The following ANXA4 variants were observed in gnomAD, a reference collection of about 807,000 sequenced individuals.
The protein encoded by ANXA4 is annexin A4, also known as 35-beta calcimedin.
ANXA4 carries 39 observed loss-of-function variants against 49.8 expected under a neutral mutation model. The ratio of observed to expected loss-of-function variants is 0.78; its 90% CI spans 0.61 to 1.02. The LOEUF (loss-of-function observed/expected upper bound fraction) is 1.02, where lower values mean the gene tolerates loss of function less well. Among genes scored for constraint, ANXA4 ranks in the 50% least tolerant of loss-of-function variants. The probability of loss-of-function intolerance (pLI) is 0.00; values close to 1 mark genes in which losing one functional copy is unlikely to be tolerated. For missense variants in ANXA4, 360 were observed against 410.1 expected (o/e 0.88, Z 1.05); for synonymous variants, 134 against 152.5 (o/e 0.88, Z 0.89).
intron 2 of ANXA4, among the ~76,000 whole-genome samples, chr2:69,674,500 G>A (rs76134445): frequency 0.028 from 4,188 of 152,228 alleles, 182 homozygotes; most frequent in African/African-American, 0.095. Context: ...ACACTGTGAC[G>A]GAAATAAAGA....
chr2:69,674,253 A>AG lies in ANXA4; in HGVS notation n.766+20973dup, dbSNP rs1399889413. The AG allele has an allele frequency of 2.0e-5, 3 of 152,332 alleles. No individual in the cohort carries two copies. In the East Asian group the frequency reaches 5.8e-4, roughly 29 times the overall value. The allele number at this position is 152,332 out of a possible 1,614,324, so 9.4% of individuals were successfully genotyped here. On this transcript the variant is annotated intron_variant and non_coding_transcript_variant, in intron 2 of 3. Coordinates refer to the ANXA4 transcript ENST00000418066. ...GGCCCGTTTGCAGGAAGCTGACAGCAGGTATTCAGAAATTTTAGGATTTGG... is the reference window on the plus strand; with the variant it reads ...GGCCCGTTTGCAGGAAGCTGACAGCAGGGTATTCAGAAATTTTAGGATTTGG...
At chr2:69,740,619 ATTAT>A (rs1670360888), upstream of ANXA4, among the ~76,000 whole-genome samples, 1 of 143,664 alleles carries the variant, frequency 7.0e-6, no homozygotes, top group Non-Finnish European at 1.5e-5. Context: ...CACCCGGCTA[ATTAT>A]TTATTTATTT....
At chr2:69,778,059 G>C (rs1182201372) in intron 1 of ANXA4, among the ~76,000 whole-genome samples, 1 of 152,150 alleles carries the variant, frequency 6.6e-6, no homozygotes, top group Non-Finnish European at 1.5e-5. Flanking sequence ...ATTTTCACAT[G>C]TAATAAAATA....
chr2:69,718,821 CAT>C (rs1274639041), intron 2 of ANXA4, among the ~76,000 whole-genome samples: 8 of 150,470 alleles, frequency 5.3e-5, no homozygotes, highest in Non-Finnish European at 8.8e-5. Context: ...ATGCTGCACA[CAT>C]GCACACACAT....
chr2:69,780,647 CAGG>C (rs1459286559), intron 1 of ANXA4, among the ~76,000 whole-genome samples: 4 of 152,102 alleles, frequency 2.6e-5, no homozygotes, highest in Admixed American at 6.5e-5. Flanking sequence ...GAGGCTGAGG[CAGG>C]AGGATCGCTT....
chr2:69,807,796 G>A (rs1573298573), intron 5 of ANXA4, 110 bp from the exon 6 acceptor site: 8 of 902,584 alleles, frequency 8.9e-6, no homozygotes, highest in Non-Finnish European at 1.4e-5. Context: ...TTAGAACGCA[G>A]TGGATTGTCT....
chr2:69,677,104 C>A (rs1170892773), intron 2 of ANXA4, among the ~76,000 whole-genome samples: 1 of 152,102 alleles, frequency 6.6e-6, no homozygotes, highest in Non-Finnish European at 1.5e-5. Flanking sequence ...GCGTGAGCCA[C>A]CACACCCTGC....
chr2:69,693,138 GT>G (rs1678029379), intron 2 of ANXA4, among the ~76,000 whole-genome samples: 1 of 152,158 alleles, frequency 6.6e-6, no homozygotes, highest in African/African-American at 2.4e-5. Context: ...AATATGCACT[GT>G]TTCCCAAATT....
At chr2:69,763,448 T>C (rs1000923576) in intron 1 of ANXA4, among the ~76,000 whole-genome samples, 2 of 151,958 alleles carry the variant, frequency 1.3e-5, no homozygotes, top group South Asian at 2.1e-4. Context: ...GAGGTGGTGA[T>C]GTTGTGTTTT....
At chr2:69,649,114 A>G (rs2105298154) in intron 1 of ANXA4, among the ~76,000 whole-genome samples, 1 of 151,926 alleles carries the variant, frequency 6.6e-6, no homozygotes, top group Middle Eastern at 3.4e-3. Flanking sequence ...TCGAGCTCTC[A>G]ACCTCAGGTG....
intron 1 of ANXA4, among the ~76,000 whole-genome samples, chr2:69,647,964 A>G (rs970667893): frequency 1.6e-4 from 24 of 152,252 alleles, no homozygotes; most frequent in African/African-American, 2.4e-5. Context: ...TAGATGAACA[A>G]TGAAGATTTT....
At chr2:69,665,419 A>G (rs7597906) in intron 2 of ANXA4, among the ~76,000 whole-genome samples, 2 of 152,130 alleles carry the variant, frequency 1.3e-5, no homozygotes, top group African/African-American at 2.4e-5. Context: ...TCTGAGTGGT[A>G]CCACCTAGCT....
In ANXA4 at chr2:69,648,415, G is replaced by T. The variant is rs114564199; in HGVS notation, n.481+3510G>T. Among the ~76,000 whole-genome samples, 298 of 152,288 alleles carry T rather than the reference G, an allele frequency of 2.0e-3. 2 individuals carry two copies. The highest frequency in any genetic ancestry group is 0.017 in the Middle Eastern group (5 of 294). On this transcript the variant is annotated intron_variant and non_coding_transcript_variant, in intron 1 of 3. Coordinates refer to the ANXA4 transcript ENST00000418066. ...CAGACCTACTGAGTAAGAGGGAGGG[G>T]CAGAGGCAGCAGTTTCTGTTCACAA...
At chr2:69,812,200 C>T (rs1407484901) in intron 7 of ANXA4, among the ~76,000 whole-genome samples, 1 of 151,124 alleles carries the variant, frequency 6.6e-6, no homozygotes, top group Non-Finnish European at 1.5e-5. Flanking sequence ...TCTTAGCTCA[C>T]TGCCTTGAAC....
chr2:69,799,157 C>G (rs754476190), intron 3 of ANXA4, among the ~76,000 whole-genome samples: 4 of 151,988 alleles, frequency 2.6e-5, no homozygotes, highest in Non-Finnish European at 5.9e-5. Context: ...TTATCCCATT[C>G]CCTGACCACA....
Position 69,796,099 on chromosome 2 carries a change from G to A in ANXA4, c.97+7958G>A, listed in dbSNP as rs955324922. Among the ~76,000 whole-genome samples the A allele has an allele frequency of 6.6e-5, 10 of 152,296 alleles. 1 individual carries two copies. Among genetic ancestry groups the A allele is most frequent in the East Asian group, 1.9e-4 (1 of 5,180 alleles). On this transcript the variant is annotated intron_variant, in intron 3 of 12. Coordinates refer to ENST00000394295, the MANE Select transcript of ANXA4 (RefSeq NM_001153.5). ...AGCCCTAGGACCTGTCAGTCCTGCC[G>A]GACCATCTGTGAGACTAGTTCTGGA...
chr2:69,805,374 C>G lies in ANXA4; in HGVS notation c.192+747C>G, dbSNP rs544264618. Among the ~76,000 whole-genome samples the G allele has an allele frequency of 2.6e-3, 397 of 151,942 alleles. 1 individual carries two copies. The highest frequency in any genetic ancestry group is 4.2e-3 in the Non-Finnish European group (283 of 67,944). ...ATCCTAGCACTTTGGGAGGCCGAGGCGAGTGGATCACTTGAGGTCAGGAGT... is the reference window on the plus strand; with the variant it reads ...ATCCTAGCACTTTGGGAGGCCGAGGGGAGTGGATCACTTGAGGTCAGGAGT... On this transcript the variant is annotated intron_variant, in intron 4 of 12. Coordinates refer to ENST00000394295, the MANE Select transcript of ANXA4 (RefSeq NM_001153.5).
intron 1 of ANXA4, among the ~76,000 whole-genome samples, chr2:69,772,024 A>C (rs1023500025): frequency 6.6e-6 from 1 of 152,230 alleles, no homozygotes; most frequent in Non-Finnish European, 1.5e-5. Context: ...ACTGTTAAGA[A>C]GCTGTAGTCA....
At chr2:69,732,329 T>C (rs1360884523) in intron 3 of ANXA4, among the ~76,000 whole-genome samples, 1 of 150,352 alleles carries the variant, frequency 6.7e-6, no homozygotes, top group African/African-American at 2.5e-5. Flanking sequence ...GGGAGTGGGG[T>C]TGTGGGTGTC....
Sources: gnomAD v4.1 joint callset for allele counts (sites outside exome capture counted in the v4.1 genomes callset) on GRCh38, gnomAD v4.1.1 for gene constraint, MANE v1.5 for transcripts, NCBI Gene and HGNC (gene_info 2026-07-23, HGNC 2026-07-21) for gene names.